The following UST variants were observed in gnomAD, a reference collection of about 807,000 sequenced individuals.
UST encodes uronyl 2-sulfotransferase.
UST carries 21 observed loss-of-function variants against 45.6 expected under a neutral mutation model. The ratio of observed to expected loss-of-function variants is 0.46; its 90% CI spans 0.33 to 0.66. The LOEUF (loss-of-function observed/expected upper bound fraction) is 0.66, where lower values mean the gene tolerates loss of function less well. Ranked by LOEUF, UST falls within the 30% of genes least tolerant of loss-of-function variation. The pLI is 0.02. For synonymous variants in UST, 215 were observed against 200.6 expected (o/e 1.07, Z -0.61); for missense variants, 463 against 512.4 (o/e 0.90, Z 0.93).
chr6:149,018,335 C>T, intron 5 of UST, among the ~76,000 whole-genome samples: 1 of 152,152 alleles, frequency 6.6e-6, no homozygotes. Flanking sequence ...ATCTGCCTTG[C>T]CAGTATAGTC....
At chr6:149,044,942 T>C (rs1262544488) in intron 7 of UST, among the ~76,000 whole-genome samples, 1 of 152,248 alleles carries the variant, frequency 6.6e-6, no homozygotes, top group Non-Finnish European at 1.5e-5. Context: ...AGTGTTTTGT[T>C]TTGCTTTACA....
chr6:148,779,038 C>CCCGCTGTGGATG (rs1226660683), intron 1 of UST, among the ~76,000 whole-genome samples: 5 of 152,184 alleles, frequency 3.3e-5, no homozygotes, highest in Non-Finnish European at 5.9e-5. Context: ...GCTGTCCTTA[C>CCCGCTGTGGATG]CCGCTGTGGA....
intron 7 of UST, among the ~76,000 whole-genome samples, chr6:149,032,267 C>T (rs936959520): frequency 1.6e-4 from 25 of 152,170 alleles, no homozygotes; most frequent in African/African-American, 6.0e-4. Flanking sequence ...AGCTCCCTGG[C>T]TTCCTAACAG....
intron 2 of UST, among the ~76,000 whole-genome samples, chr6:148,899,647 T>G (rs1779209816): frequency 6.6e-6 from 1 of 152,242 alleles, no homozygotes. Context: ...TCATCAGTCC[T>G]TGTATGTTTA....
intron 1 of UST, among the ~76,000 whole-genome samples, chr6:148,817,628 T>C (rs1326055921): frequency 6.6e-6 from 1 of 152,200 alleles, no homozygotes; most frequent in African/African-American, 2.4e-5. Flanking sequence ...TCTAAAGACC[T>C]GGGATCAATA....
chr6:148,804,305 C>T (rs1777107936), intron 1 of UST, among the ~76,000 whole-genome samples: 1 of 152,004 alleles, frequency 6.6e-6, no homozygotes, highest in Non-Finnish European at 1.5e-5. Context: ...GTTTATAAAC[C>T]CTCCCAGCAA....
At chr6:148,969,731 C>A (rs1436748714) in intron 5 of UST, among the ~76,000 whole-genome samples, 1 of 152,294 alleles carries the variant, frequency 6.6e-6, no homozygotes, top group African/African-American at 2.4e-5. Flanking sequence ...TCCTGGGGCT[C>A]AGGACATACT....
intron 2 of UST, among the ~76,000 whole-genome samples, chr6:148,927,400 A>G (rs1251069986): frequency 8.5e-5 from 13 of 152,188 alleles, no homozygotes; most frequent in Admixed American, 8.5e-4. Flanking sequence ...GTAGCCAAGA[A>G]AAAATGGGGC....
chr6:148,900,197 G>A (rs541252944), intron 2 of UST, among the ~76,000 whole-genome samples: 1 of 152,284 alleles, frequency 6.6e-6, no homozygotes, highest in South Asian at 2.1e-4. Flanking sequence ...GTGTGGAGTT[G>A]ATGAAGTCTC....
intron 7 of UST, among the ~76,000 whole-genome samples, chr6:149,047,931 A>C (rs1776416971): frequency 1.3e-5 from 2 of 152,232 alleles, no homozygotes; most frequent in Admixed American, 6.5e-5. Context: ...ATGGTGTAAA[A>C]GCACAAGCTC....
intron 1 of UST, among the ~76,000 whole-genome samples, chr6:148,784,009 C>T (rs1198956188): frequency 6.6e-6 from 1 of 152,180 alleles, no homozygotes; most frequent in Non-Finnish European, 1.5e-5. Context: ...TATGAGTTTT[C>T]CCCAATGTCA....
chr6:149,058,119 T>G (rs1213910494), intron 7 of UST, among the ~76,000 whole-genome samples: 4 of 152,218 alleles, frequency 2.6e-5, no homozygotes. Context: ...TTTCTGATGA[T>G]CCTGTGTGGA....
chr6:148,749,655 G>C (rs1231079665), intron 1 of UST, among the ~76,000 whole-genome samples: 1 of 152,180 alleles, frequency 6.6e-6, no homozygotes, highest in Non-Finnish European at 1.5e-5. Flanking sequence ...AGGTACTACT[G>C]AGGATAAAAT....
chr6:148,753,439 A>G (rs1582788393), intron 1 of UST, among the ~76,000 whole-genome samples: 1 of 152,208 alleles, frequency 6.6e-6, no homozygotes, highest in African/African-American at 2.4e-5. Flanking sequence ...TTCAAGGTTC[A>G]TTCATGTTAT....
intron 1 of UST, among the ~76,000 whole-genome samples, chr6:148,752,989 T>TA (rs1255775897): frequency 6.6e-6 from 1 of 152,202 alleles, no homozygotes; most frequent in African/African-American, 2.4e-5. Context: ...GTGATATACA[T>TA]AAATCCCTTT....
At chr6:148,949,428 TAATAATATTAC>T (rs1780319508) in intron 3 of UST, among the ~76,000 whole-genome samples, 1 of 59,140 alleles carries the variant, frequency 1.7e-5, no homozygotes, top group Non-Finnish European at 4.1e-5. Context: ...ATAATAATAA[TAATAATATTAC>T]TTATTCATGG....
chr6:148,752,236 A>G (rs1181265091), intron 1 of UST, among the ~76,000 whole-genome samples: 2 of 152,238 alleles, frequency 1.3e-5, no homozygotes, highest in African/African-American at 2.4e-5. Context: ...ATAGAGGTCC[A>G]TATCTGTTAC....
Position 149,053,991 on chromosome 6 carries a change from T to A in UST, c.938-19842T>A, listed in dbSNP as rs534297319. 2.6e-5 allele frequency among the ~76,000 whole-genome samples: 4 copies of A among 152,284 alleles called. 1 individual carries two copies. The South Asian group carries it at 8.3e-4, about 32-fold the overall frequency. ...GGGAATAATGGCTCTCCTGCCACCA[T>A]CTGTCACCCCTGTCCAAGACACCAG... On this transcript the variant is annotated intron_variant, in intron 7 of 7. Coordinates refer to ENST00000367463, the MANE Select transcript of UST (RefSeq NM_005715.3).
At chr6:148,813,808 C>T (rs1168385165) in intron 1 of UST, among the ~76,000 whole-genome samples, 1 of 152,124 alleles carries the variant, frequency 6.6e-6, no homozygotes, top group African/African-American at 2.4e-5. Context: ...CTGCTGTAGA[C>T]CAGGATACTG....
Sources: gnomAD v4.1 joint callset for allele counts (sites outside exome capture counted in the v4.1 genomes callset) on GRCh38, gnomAD v4.1.1 for gene constraint, MANE v1.5 for transcripts, NCBI Gene and HGNC (gene_info 2026-07-23, HGNC 2026-07-21) for gene names.